Variants in NPAS3 observed in about 807,000 individuals in gnomAD.
NPAS3 encodes the protein neuronal PAS domain protein 3, also known as neuronal PAS domain-containing protein 3.
A neutral mutation model predicts 73.1 loss-of-function variants in NPAS3; 14 were observed. The observed-to-expected ratio is 0.19, with a 90% CI of 0.13 to 0.30. The LOEUF is 0.30. Among genes scored for constraint, NPAS3 ranks in the 10% least tolerant of loss-of-function variants. The probability of loss-of-function intolerance (pLI) is 1.00; values close to 1 mark genes in which losing one functional copy is unlikely to be tolerated. For missense variants in NPAS3, 1,096 were observed against 1,250.0 expected, an observed-to-expected ratio of 0.88 and a Z score of 1.86; for synonymous variants, 620 against 541.5, an observed-to-expected ratio of 1.14 and a Z score of -2.01.
At chr14:32,939,166 CCGGCCA>C (rs1566780585), upstream of NPAS3, 1 of 164,080 alleles carries the variant, frequency 6.1e-6, no homozygotes, top group Non-Finnish European at 1.3e-5. Flanking sequence ...GGCCCCGGCC[CCGGCCA>C]CCGCCCGCCG....
At chr14:33,683,833 G>A (rs1023007810) in intron 6 of NPAS3, among the ~76,000 whole-genome samples, 1 of 152,184 alleles carries the variant, frequency 6.6e-6, no homozygotes, top group Non-Finnish European at 1.5e-5. Flanking sequence ...TATAGCTTTA[G>A]CAACAACGCT....
At chr14:33,231,485 G>A (rs1168920249) in intron 3 of NPAS3, among the ~76,000 whole-genome samples, 1 of 152,078 alleles carries the variant, frequency 6.6e-6, no homozygotes. Flanking sequence ...GCTTGAGCCA[G>A]GTATGACTTT....
rs1595601590 is a variant in NPAS3, at chr14:33,780,951, T to TTC, written c.1153+2381_1153+2382dup. The TTC allele has an allele frequency of 2.8e-5, 6 of 213,310 alleles. No homozygotes were observed. The East Asian group carries it at 8.8e-4, about 31-fold the overall frequency. 13.2% of individuals were successfully genotyped at this position (213,310 alleles called of 1,614,324 possible). A position where few individuals can be genotyped will look rare whatever the true frequency, so the allele number is the denominator to read the frequency against. On this transcript the variant is annotated intron_variant, in intron 9 of 11. Transcript: ENST00000356141. The stretch of plus-strand genomic sequence containing the variant: ...AGCCTACTAACAATGATTGGGTTCA[T>TTC]TCTTTTAACTCATACACATGACTTC...
chr14:33,524,657 A>G (rs941523830), intron 4 of NPAS3, among the ~76,000 whole-genome samples: 9 of 152,180 alleles, frequency 5.9e-5, no homozygotes, highest in African/African-American at 2.2e-4. Context: ...TGGTTGGCTT[A>G]CACAACAGAA....
chr14:33,098,751 C>A (rs1028522146), intron 2 of NPAS3, among the ~76,000 whole-genome samples: 1 of 152,174 alleles, frequency 6.6e-6, no homozygotes, highest in Non-Finnish European at 1.5e-5. Context: ...TTAGTATACT[C>A]AAGTTGACTC....
intron 1 of NPAS3, among the ~76,000 whole-genome samples, chr14:33,045,951 A>C (rs2040493046): frequency 6.6e-6 from 1 of 152,236 alleles, no homozygotes; most frequent in African/African-American, 2.4e-5. Flanking sequence ...TACTTCCTGT[A>C]CACGTCACTG....
chr14:32,943,201 T>A, intron 1 of NPAS3, among the ~76,000 whole-genome samples: 1 of 151,924 alleles, frequency 6.6e-6, no homozygotes, highest in East Asian at 1.9e-4. Flanking sequence ...TTACATGAGG[T>A]GTTTTCACCT....
chr14:33,784,738 TTTATTTA>T lies in NPAS3; in HGVS notation c.1153+6169_1153+6175del, dbSNP rs1485351874. 4.7e-4 allele frequency among the ~76,000 whole-genome samples: 43 copies of T among 90,996 alleles called. 1 individual carries two copies. Among genetic ancestry groups the T allele is most frequent in the African/African-American group, 1.3e-3 (20 of 15,698 alleles). The allele number at this position is 90,996 out of a possible 152,430, so 59.7% of individuals were successfully genotyped here. A position where few individuals can be genotyped will look rare whatever the true frequency, so the allele number is the denominator to read the frequency against. ...ATTGTTATTTTTATTTATTTATTTA[TTTATTTA>T]TTTTTTTTTTTTTTTTTTTTTTGAG... On this transcript the variant is annotated intron_variant, in intron 9 of 11. Transcript: ENST00000356141.
At chr14:33,463,714 T>C (rs2139526117) in intron 4 of NPAS3, among the ~76,000 whole-genome samples, 1 of 152,254 alleles carries the variant, frequency 6.6e-6, no homozygotes, top group Admixed American at 6.5e-5. Flanking sequence ...AGCAATAAAT[T>C]CTTGTCTTCT....
At position 33,757,827 on chromosome 14, in the gene NPAS3, T is replaced by A. The variant is rs1378190600; in HGVS notation, c.853-16510T>A. 2.0e-5 allele frequency among the ~76,000 whole-genome samples: 3 copies of A among 152,156 alleles called. No individual in the cohort carries two copies. In the East Asian group the frequency reaches 5.8e-4, roughly 29 times the overall value. Reference sequence around the variant, plus strand: ...CAAGGTTGAAGCCTGAGTAACCAGTTGGACACTAGTCCTACTGACATTCAT... The same window carrying A: ...CAAGGTTGAAGCCTGAGTAACCAGTAGGACACTAGTCCTACTGACATTCAT... On this transcript the variant is annotated intron_variant, in intron 7 of 11. Transcript: ENST00000356141.
chr14:33,774,508 A>G (rs1164805240), exon 8 of NPAS3: 2 of 1,613,890 alleles, frequency 1.2e-6, no homozygotes, highest in Non-Finnish European at 1.7e-6. Flanking sequence ...TATGGACCTC[A>G]ATATCATTTA....
At chr14:33,424,358 G>T (rs2048470196) in intron 4 of NPAS3, among the ~76,000 whole-genome samples, 2 of 152,138 alleles carry the variant, frequency 1.3e-5, no homozygotes, top group Admixed American at 1.3e-4. Context: ...GGAGAACCTT[G>T]ATGGCTGGGT....
At chr14:33,191,416 AATAATT>A (rs762332700) in intron 2 of NPAS3, among the ~76,000 whole-genome samples, 1 of 152,158 alleles carries the variant, frequency 6.6e-6, no homozygotes, top group African/African-American at 2.4e-5. Context: ...GAAGCAACTA[AATAATT>A]ATAATTAGGT....
chr14:33,162,741 C>G (rs574892808), intron 2 of NPAS3, among the ~76,000 whole-genome samples: 4 of 152,116 alleles, frequency 2.6e-5, no homozygotes, highest in South Asian at 4.2e-4. Flanking sequence ...GACAGAACCT[C>G]CTCTCTTTAT....
At chr14:33,040,361 C>G (rs989290084) in intron 1 of NPAS3, among the ~76,000 whole-genome samples, 1 of 152,096 alleles carries the variant, frequency 6.6e-6, no homozygotes, top group Admixed American at 6.6e-5. Flanking sequence ...AAAAAGAGAA[C>G]TGAAGTGCTG....
intron 4 of NPAS3, among the ~76,000 whole-genome samples, chr14:33,386,417 T>C (rs183555911): frequency 1.3e-5 from 2 of 152,190 alleles, no homozygotes; most frequent in African/African-American, 4.8e-5. Context: ...GATTTATCTC[T>C]TGTTATTATC....
intron 3 of NPAS3, among the ~76,000 whole-genome samples, chr14:33,282,559 A>G (rs1224922023): frequency 6.6e-6 from 1 of 152,188 alleles, no homozygotes; most frequent in East Asian, 1.9e-4. Context: ...TTTTAACCGT[A>G]TTTCTAAAGT....
chr14:32,943,473 T>G (rs190893141), intron 1 of NPAS3, among the ~76,000 whole-genome samples: 9 of 152,246 alleles, frequency 5.9e-5, no homozygotes, highest in Admixed American at 5.2e-4. Context: ...TGAACCACCT[T>G]ACTCCTCTTC....
chr14:33,492,250 T>A (rs1474526934), intron 4 of NPAS3, among the ~76,000 whole-genome samples: 1 of 152,124 alleles, frequency 6.6e-6, no homozygotes, highest in Non-Finnish European at 1.5e-5. Context: ...CCCACTGTGG[T>A]AATACCTCTG....
Sources: allele counts gnomAD v4.1 joint callset (sites outside exome capture counted in the v4.1 genomes callset), GRCh38; gene constraint gnomAD v4.1.1; transcripts MANE v1.5; gene names NCBI Gene and HGNC (gene_info 2026-07-23, HGNC 2026-07-21).